PCSK2: variants seen among roughly 807,000 people sequenced by gnomAD.
PCSK2 encodes the protein neuroendocrine convertase 2.
Under a neutral mutation model 69.7 loss-of-function variants are expected in PCSK2, and 14 were observed. That is an observed-to-expected ratio of 0.20 (90% confidence interval 0.13 to 0.31). The LOEUF (loss-of-function observed/expected upper bound fraction) is 0.31, where lower values mean the gene tolerates loss of function less well. Ranked by LOEUF, PCSK2 falls within the 10% of genes least tolerant of loss-of-function variation. The pLI, the probability that PCSK2 is intolerant of heterozygous loss-of-function variation, is 1.00. For synonymous variants in PCSK2, 307 were observed against 320.7 expected (o/e 0.96, Z 0.46); for missense variants, 544 against 842.5 (o/e 0.65, Z 4.39).
At chr20:17,288,260 T>C (rs1988585672) in intron 2 of PCSK2, among the ~76,000 whole-genome samples, 1 of 152,154 alleles carries the variant, frequency 6.6e-6, no homozygotes, top group Admixed American at 6.5e-5. Flanking sequence ...CTAGGGCACA[T>C]GAGGATGCTC....
At chr20:17,297,116 G>A (rs79619324) in intron 2 of PCSK2, among the ~76,000 whole-genome samples, 148 of 152,322 alleles carry the variant, frequency 9.7e-4, no homozygotes, top group African/African-American at 3.3e-3. Context: ...AGTAAACAGG[G>A]TATTGTATGC....
At chr20:17,438,751 A>T (rs952895646) in intron 8 of PCSK2, among the ~76,000 whole-genome samples, 1 of 152,150 alleles carries the variant, frequency 6.6e-6, no homozygotes, top group Non-Finnish European at 1.5e-5. Context: ...TATGCCCCCC[A>T]CACCCAGGGC....
At chr20:17,409,633 G>A (rs2031827248) in intron 6 of PCSK2, among the ~76,000 whole-genome samples, 1 of 152,158 alleles carries the variant, frequency 6.6e-6, no homozygotes, top group South Asian at 2.1e-4. Context: ...CCCATTACAA[G>A]GTGATTTAAA....
chr20:17,271,321 T>C (rs1474908415), intron 2 of PCSK2, among the ~76,000 whole-genome samples: 3 of 152,112 alleles, frequency 2.0e-5, no homozygotes, highest in East Asian at 3.9e-4. Context: ...TCCTCTATCA[T>C]GTTTTATAAA....
At chr20:17,229,980 T>G (rs1178493031) in intron 1 of PCSK2, among the ~76,000 whole-genome samples, 2 of 152,236 alleles carry the variant, frequency 1.3e-5, no homozygotes, top group Non-Finnish European at 2.9e-5. Flanking sequence ...AAGGTAAATA[T>G]TCAGGGATGA....
rs778691708 is a variant in PCSK2 at position 17,481,608 on chromosome 20, G to A, written c.1455G>A (p.Leu485=). Residue 485 remains leucine, a synonymous_variant, in exon 12 of 12, where the codon TTG becomes TTA. Transcript: ENST00000262545. ...DPEKIPSTGK[L]VLTLTTDACE... ...GGAAAATACCATCCACTGGCAAGTTGGTGCTGACACTCACAACCGACGCCT... is the reference window on the plus strand; with the variant it reads ...GGAAAATACCATCCACTGGCAAGTTAGTGCTGACACTCACAACCGACGCCT... The A allele has an allele frequency of 2.5e-6, 4 of 1,613,838 alleles. No homozygotes were observed. The highest frequency in any genetic ancestry group is 2.5e-6 in the Non-Finnish European group (3 of 1,179,892).
At chr20:17,268,118 T>C (rs1987706024) in intron 2 of PCSK2, among the ~76,000 whole-genome samples, 1 of 150,534 alleles carries the variant, frequency 6.6e-6, no homozygotes, top group Admixed American at 6.7e-5. Context: ...TGTGTATGCT[T>C]ATTAAATTCA....
chr20:17,347,329 C>T (rs142837513), intron 2 of PCSK2, among the ~76,000 whole-genome samples: 4 of 152,290 alleles, frequency 2.6e-5, no homozygotes, highest in Non-Finnish European at 4.4e-5. Flanking sequence ...GTCTTCCCTC[C>T]GCAGACCTCT....
intron 2 of PCSK2, among the ~76,000 whole-genome samples, chr20:17,304,943 G>T (rs1342697624): frequency 6.6e-6 from 1 of 152,060 alleles, no homozygotes; most frequent in African/African-American, 2.4e-5. Context: ...CATCTGCTAC[G>T]GTTAAGCCCA....
At position 17,469,079 on chromosome 20, in the gene PCSK2, A is replaced by G. The variant is rs77969167; in HGVS notation, c.1430+3526A>G. ...TCCCAAGTGATGTTACAAATGTCCTATAATAAAAATAGCTACTCTGCACAG... is the reference window on the plus strand; with the variant it reads ...TCCCAAGTGATGTTACAAATGTCCTGTAATAAAAATAGCTACTCTGCACAG... On this transcript the variant is annotated intron_variant, in intron 11 of 11. Coordinates refer to ENST00000262545, the MANE Select transcript of PCSK2 (RefSeq NM_002594.5). Among the ~76,000 whole-genome samples, 1,395 of 152,364 alleles carry G rather than the reference A, an allele frequency of 9.2e-3. 31 individuals are homozygous for G. The highest frequency in any genetic ancestry group is 0.032 in the African/African-American group (1,327 of 41,582).
intron 2 of PCSK2, among the ~76,000 whole-genome samples, chr20:17,277,062 T>C (rs1337825960): frequency 1.4e-4 from 22 of 151,922 alleles, no homozygotes; most frequent in Middle Eastern, 3.4e-3. Flanking sequence ...CTCAATGAAA[T>C]AAAAGAGGAT....
chr20:17,331,146 G>T (rs1160821212), intron 2 of PCSK2, among the ~76,000 whole-genome samples: 2 of 152,092 alleles, frequency 1.3e-5, no homozygotes, highest in Non-Finnish European at 2.9e-5. Context: ...TAAAGGTAGC[G>T]CTCCTGACTC....
intron 2 of PCSK2, among the ~76,000 whole-genome samples, chr20:17,357,261 C>G (rs140300997): frequency 1.1e-4 from 16 of 152,254 alleles, no homozygotes; most frequent in African/African-American, 3.6e-4. Flanking sequence ...TCTGGCTGTC[C>G]AAAATTGAAA....
At chr20:17,397,685 G>A (rs2031541970) in intron 5 of PCSK2, among the ~76,000 whole-genome samples, 1 of 152,052 alleles carries the variant, frequency 6.6e-6, no homozygotes, top group African/African-American at 2.4e-5. Context: ...CACCATCTTG[G>A]CCAGGCTGGT....
intron 11 of PCSK2, 78 bp downstream of exon 11, chr20:17,465,631 C>T (rs1258695789): frequency 3.3e-5 from 29 of 867,602 alleles, no homozygotes; most frequent in Non-Finnish European, 5.2e-5. Context: ...CATAATATCA[C>T]ATTCCCTCTT....
chr20:17,457,341 TGTC>T (rs1330376803), intron 10 of PCSK2, among the ~76,000 whole-genome samples: 1 of 152,216 alleles, frequency 6.6e-6, no homozygotes, highest in African/African-American at 2.4e-5. Context: ...CAGCCCTGCT[TGTC>T]TCTCTCCACA....
Position 17,482,309 on chromosome 20 carries a change from C to A in PCSK2, c.*239C>A, listed in dbSNP as rs2033421197. ...CATGTCCTATGTGTGACTCTAAATT[C>A]TTTATTTCTGTCATTCAAATGGGTG... On this transcript the variant is annotated 3_prime_UTR_variant, in exon 12 of 12. Transcript: ENST00000262545. The A allele has an allele frequency of 1.1e-4, 15 of 131,220 alleles. No homozygotes were observed. Among genetic ancestry groups the A allele is most frequent in the Middle Eastern group, 4.4e-3 (1 of 228 alleles). The allele number at this position is 131,220 out of a possible 1,614,324, so 8.1% of individuals were successfully genotyped here. A position where few individuals can be genotyped will look rare whatever the true frequency, so the allele number is the denominator to read the frequency against.
chr20:17,293,322 C>G (rs947416296), intron 2 of PCSK2, among the ~76,000 whole-genome samples: 4 of 152,142 alleles, frequency 2.6e-5, no homozygotes, highest in Admixed American at 2.6e-4. Flanking sequence ...ATTTATATCT[C>G]ACACATTTTT....
At chr20:17,381,217 A>C (rs2031078212) in intron 5 of PCSK2, among the ~76,000 whole-genome samples, 1 of 152,208 alleles carries the variant, frequency 6.6e-6, no homozygotes, top group East Asian at 1.9e-4. Flanking sequence ...CTAACCAATA[A>C]TTAAAACCTG....
Sources: gnomAD v4.1 joint callset for allele counts (sites outside exome capture counted in the v4.1 genomes callset) on GRCh38, gnomAD v4.1.1 for gene constraint, MANE v1.5 for transcripts, NCBI Gene and HGNC (gene_info 2026-07-23, HGNC 2026-07-21) for gene names.